The following ARPC1A variants were observed in gnomAD, a reference collection of about 807,000 sequenced individuals.
The protein encoded by ARPC1A is actin-related protein 2/3 complex subunit 1A.
In ARPC1A, 8 loss-of-function variants were observed where a neutral mutation model predicts 46.9. The ratio of observed to expected loss-of-function variants is 0.17; its 90% CI spans 0.10 to 0.31. ARPC1A has a LOEUF of 0.31. Ranked by LOEUF, ARPC1A falls within the 10% of genes least tolerant of loss-of-function variation. The probability of loss-of-function intolerance (pLI) is 1.00; values close to 1 mark genes in which losing one functional copy is unlikely to be tolerated. For missense variants in ARPC1A, 286 were observed against 483.6 expected (o/e 0.59, Z 3.83); for synonymous variants, 152 against 169.0 (o/e 0.90, Z 0.78).
intron 8 of ARPC1A, among the ~76,000 whole-genome samples, chr7:99,360,791 A>C (rs1171586258): frequency 6.6e-6 from 1 of 151,906 alleles, no homozygotes; most frequent in Non-Finnish European, 1.5e-5. Context: ...AAATACAAAA[A>C]TTAGCTTGGC....
chr7:99,359,890 C>T (rs1244230801), intron 8 of ARPC1A, 152 bp downstream of exon 8: 26 of 890,312 alleles, frequency 2.9e-5, no homozygotes, highest in Non-Finnish European at 3.9e-5. Context: ...TCTTCCCGAC[C>T]GCCAGGCTCT....
chr7:99,362,293 CAAT>C (rs1434627597), intron 8 of ARPC1A, among the ~76,000 whole-genome samples: 5 of 147,232 alleles, frequency 3.4e-5, no homozygotes, highest in African/African-American at 5.0e-5. Flanking sequence ...GACTCCATCT[CAAT>C]AAATAAATAA....
intron 9 of ARPC1A, among the ~76,000 whole-genome samples, chr7:99,364,277 T>C (rs1166857748): frequency 6.7e-6 from 1 of 148,420 alleles, no homozygotes; most frequent in Non-Finnish European, 1.5e-5. Context: ...TCTTTTTTTT[T>C]TTTTTTTTTT....
chr7:99,361,158 C>T (rs557237713), intron 8 of ARPC1A, among the ~76,000 whole-genome samples: 4 of 152,076 alleles, frequency 2.6e-5, no homozygotes, highest in South Asian at 2.1e-4. Flanking sequence ...TCATCTTCAG[C>T]GGAGAAGGGG....
chr7:99,341,828 G>A (rs994437026), intron 3 of ARPC1A, among the ~76,000 whole-genome samples: 17 of 151,954 alleles, frequency 1.1e-4, no homozygotes, highest in Admixed American at 1.3e-4. Context: ...GAAATAACTT[G>A]TTGGAAAAAT....
chr7:99,332,881 A>AGGTGTGACCACCATGCCT (rs1793169677), intron 1 of ARPC1A, among the ~76,000 whole-genome samples: 1 of 142,660 alleles, frequency 7.0e-6, no homozygotes, highest in African/African-American at 2.6e-5. Context: ...CTGGGATTAG[A>AGGTGTGACCACCATGCCT]GGTGTGACCA....
chr7:99,355,213 CAG>C (rs1341580253), intron 6 of ARPC1A, among the ~76,000 whole-genome samples: 1 of 150,992 alleles, frequency 6.6e-6, no homozygotes, highest in East Asian at 2.0e-4. Context: ...ACCCAAGAAA[CAG>C]AGGTTGCGGT....
rs1353514891 is a variant in ARPC1A, at chr7:99,359,553, C to G, written c.798C>G (p.Asp266Glu). ...ACTGAGTCTTGTTTCAGGGCCATGA[C>G]TGCTGCCCAATGCTCTTTAACTACG... is the stretch of plus-strand genomic sequence containing the variant. ...SENSVVAAGH[D>E]CCPMLFNYDD... Residue 266 changes from aspartate (D) to glutamate (E), a missense_variant, in exon 8 of 10, where the codon GAC (aspartate) becomes GAG (glutamate). Around this residue, in one of 5 missense-constraint regions of ARPC1A, gnomAD observed 182 missense variants for 276.7 expected, o/e 0.66. Coordinates refer to ENST00000262942, the MANE Select transcript of ARPC1A (RefSeq NM_006409.4). 6.2e-7 allele frequency: 1 copy of G among 1,614,014 alleles called. No individual in the cohort carries two copies.
intron 3 of ARPC1A, among the ~76,000 whole-genome samples, chr7:99,342,966 C>T (rs1306551682): frequency 5.3e-5 from 8 of 151,966 alleles, no homozygotes; most frequent in African/African-American, 1.9e-4. Context: ...TCGTGATCCG[C>T]CTGCCTCGGC....
chr7:99,333,447 TTTTGGTACC>T (rs750979454), intron 2 of ARPC1A, 30 bp downstream of exon 2: 2 of 1,588,634 alleles, frequency 1.3e-6, no homozygotes, highest in South Asian at 1.1e-5. Context: ...TGCTTTTGTA[TTTTGGTACC>T]TTTGGTACAT....
At chr7:99,356,557 A>T (rs1315580867) in intron 6 of ARPC1A, among the ~76,000 whole-genome samples, 1 of 148,774 alleles carries the variant, frequency 6.7e-6, no homozygotes, top group Non-Finnish European at 1.5e-5. Context: ...ATGAGCCAAG[A>T]TCGCACCACT....
intron 9 of ARPC1A, 59 bp from the exon 10 acceptor site, chr7:99,365,832 T>C: frequency 6.6e-7 from 1 of 1,512,388 alleles, no homozygotes; most frequent in Middle Eastern, 1.7e-4. Context: ...AGTGGTGTCA[T>C]ACCTACCTCG....
At chr7:99,326,354 G>A (rs1793047826) in intron 1 of ARPC1A, among the ~76,000 whole-genome samples, 1 of 152,204 alleles carries the variant, frequency 6.6e-6, no homozygotes, top group Non-Finnish European at 1.5e-5. Flanking sequence ...CGACCCGCGG[G>A]ACTATTCATC....
intron 1 of ARPC1A, among the ~76,000 whole-genome samples, chr7:99,331,186 A>T (rs1323348468): frequency 1.3e-5 from 2 of 151,840 alleles, no homozygotes; most frequent in Admixed American, 6.6e-5. Flanking sequence ...AGGCAGGTGG[A>T]TCACTTGAGC....
At chr7:99,331,422 A>C (rs1793141783) in intron 1 of ARPC1A, among the ~76,000 whole-genome samples, 1 of 152,080 alleles carries the variant, frequency 6.6e-6, no homozygotes, top group Non-Finnish European at 1.5e-5. Flanking sequence ...AAAAAAGAAA[A>C]GAAGTTACAG....
chr7:99,341,379 G>A (rs958074601), intron 3 of ARPC1A, among the ~76,000 whole-genome samples: 8 of 151,908 alleles, frequency 5.3e-5, no homozygotes, highest in African/African-American at 1.9e-4. Context: ...AGGCTGAGGC[G>A]GGCTGATCAC....
chr7:99,352,240 G>A (rs1318490384), intron 5 of ARPC1A, among the ~76,000 whole-genome samples: 1 of 152,190 alleles, frequency 6.6e-6, no homozygotes, highest in Admixed American at 6.5e-5. Context: ...ATGTGGGCAA[G>A]GGAGGGATGG....
At chr7:99,340,540 T>G (rs1285514233) in intron 3 of ARPC1A, among the ~76,000 whole-genome samples, 1 of 152,126 alleles carries the variant, frequency 6.6e-6, no homozygotes, top group African/African-American at 2.4e-5. Flanking sequence ...CCTCTTGGGC[T>G]CAAGTGATCC....
At chr7:99,352,327 A>G (rs945069400) in intron 5 of ARPC1A, among the ~76,000 whole-genome samples, 1 of 152,130 alleles carries the variant, frequency 6.6e-6, no homozygotes, top group African/African-American at 2.4e-5. Context: ...CCTGGCACCC[A>G]CAGCCTGACA....
Sources: gnomAD v4.1 joint callset for allele counts (sites outside exome capture counted in the v4.1 genomes callset) on GRCh38, gnomAD v4.1.1 for gene constraint, gnomAD v4.1.1 regional missense constraint, MANE v1.5 for transcripts, NCBI Gene and HGNC (gene_info 2026-07-23, HGNC 2026-07-21) for gene names.